Variants in AGK observed in about 807,000 individuals in gnomAD.
The protein encoded by AGK is acylglycerol kinase, mitochondrial.
AGK carries 52 observed loss-of-function variants against 66.4 expected under a neutral mutation model. The observed-to-expected ratio is 0.78, with a 90% CI of 0.63 to 0.99. The LOEUF is 0.99. Among genes scored for constraint, AGK ranks in the 50% least tolerant of loss-of-function variants. The pLI is 0.00. For synonymous variants in AGK, 182 were observed against 181.1 expected (o/e 1.00, Z -0.04); for missense variants, 451 against 506.6 (o/e 0.89, Z 1.05).
At chr7:141,585,031 G>T (rs1286529805) in intron 2 of AGK, among the ~76,000 whole-genome samples, 1 of 152,186 alleles carries the variant, frequency 6.6e-6, no homozygotes, top group African/African-American at 2.4e-5. Flanking sequence ...AACAAGAAGA[G>T]ATAACCTTGT....
chr7:141,562,166 T>C, intron 2 of AGK: 1 of 454,750 alleles, frequency 2.2e-6, no homozygotes, highest in Non-Finnish European at 4.4e-6. Context: ...AGTTGTCACA[T>C]GGATAGACTC....
intron 3 of AGK, among the ~76,000 whole-genome samples, chr7:141,595,566 A>G (rs1405667271): frequency 1.3e-5 from 2 of 152,230 alleles, no homozygotes; most frequent in Non-Finnish European, 2.9e-5. Context: ...AAGTTATTCA[A>G]TAAAAAATAT....
At chr7:141,637,092 T>G in intron 11 of AGK, 75 bp downstream of exon 11, 1 of 1,253,998 alleles carries the variant, frequency 8.0e-7, no homozygotes, top group Non-Finnish European at 1.1e-6. Context: ...TTTGGTATTT[T>G]TTTTTAATTC....
intron 2 of AGK, among the ~76,000 whole-genome samples, chr7:141,579,698 C>T (rs192667364): frequency 5.9e-4 from 89 of 151,984 alleles, no homozygotes; most frequent in Middle Eastern, 6.8e-3. Flanking sequence ...GGATAGATTT[C>T]CATGATGGAA....
intron 9 of AGK, among the ~76,000 whole-genome samples, chr7:141,627,594 T>C (rs576338473): frequency 9.2e-5 from 14 of 152,314 alleles, no homozygotes; most frequent in Admixed American, 5.2e-4. Flanking sequence ...GTCTGGACTC[T>C]TCACCATGAC....
intron 15 of AGK, 152 bp from the exon 16 acceptor site, chr7:141,652,635 C>T: frequency 2.8e-6 from 2 of 716,150 alleles, no homozygotes; most frequent in South Asian, 4.4e-5. Context: ...GTAGTAGGCA[C>T]TGAATTTTTT....
chr7:141,584,509 T>C (rs1795954027), intron 2 of AGK, among the ~76,000 whole-genome samples: 1 of 152,214 alleles, frequency 6.6e-6, no homozygotes, highest in Non-Finnish European at 1.5e-5. Context: ...AAAAGCAAGC[T>C]GTACCCCGAC....
intron 11 of AGK, among the ~76,000 whole-genome samples, chr7:141,640,697 G>A (rs550760025): frequency 2.0e-5 from 3 of 152,218 alleles, no homozygotes; most frequent in East Asian, 1.9e-4. Flanking sequence ...TCATTCATGC[G>A]GTCAGGATGT....
At chr7:141,624,864 A>G (rs1332507957) in intron 9 of AGK, among the ~76,000 whole-genome samples, 7 of 152,230 alleles carry the variant, frequency 4.6e-5, no homozygotes, top group African/African-American at 1.7e-4. Flanking sequence ...GCTATAGGTC[A>G]CATGCTATCG....
rs1210462825 is a variant in AGK at position 141,633,997 on chromosome 7, T to C, written c.668+17T>C. ...AGTTAGCAAGTAAAGGATTACTATA[T>C]TGATGTGTGATGTTTTTTAAAAAAA... On this transcript the variant is annotated intron_variant, in intron 10 of 15. Transcript: ENST00000649286. 1.3e-6 allele frequency: 2 copies of C among 1,599,158 alleles called. No individual in the cohort carries two copies. Among genetic ancestry groups the C allele is most frequent in the South Asian group, 1.1e-5 (1 of 90,738 alleles).
chr7:141,652,348 T>A lies in AGK; in HGVS notation c.1132-439T>A, dbSNP rs1021004549. 3.2e-5 allele frequency: 5 copies of A among 155,932 alleles called. No individual in the cohort carries two copies. The South Asian group carries it at 9.8e-4, about 31-fold the overall frequency. The allele number at this position is 155,932 out of a possible 1,614,324, so 9.7% of individuals were successfully genotyped here. ...ATCAAGCTAAACAAGTCTTAGAGAATAATGAAAATGATCCAGCAGATACAA... is the reference window on the plus strand; with the variant it reads ...ATCAAGCTAAACAAGTCTTAGAGAAAAATGAAAATGATCCAGCAGATACAA... On this transcript the variant is annotated intron_variant, in intron 15 of 15. Transcript: ENST00000649286.
At chr7:141,576,192 G>A (rs377682321) in intron 2 of AGK, among the ~76,000 whole-genome samples, 7 of 152,234 alleles carry the variant, frequency 4.6e-5, no homozygotes, top group African/African-American at 1.4e-4. Flanking sequence ...TGCCACCAAA[G>A]AAATAGCACT....
At chr7:141,650,672 A>T (rs1797533507) in intron 14 of AGK, 1 of 985,284 alleles carries the variant, frequency 1.0e-6, no homozygotes, top group Non-Finnish European at 1.2e-6. Context: ...GTGTCTGTAT[A>T]TGCGCTGGAA....
chr7:141,632,963 G>T (rs1228400502), intron 9 of AGK, among the ~76,000 whole-genome samples: 1 of 152,198 alleles, frequency 6.6e-6, no homozygotes, highest in Admixed American at 6.5e-5. Flanking sequence ...GGTGTTGGGG[G>T]AAGCACTCTT....
chr7:141,617,494 G>C (rs545215137), intron 8 of AGK, among the ~76,000 whole-genome samples: 1 of 152,280 alleles, frequency 6.6e-6, no homozygotes, highest in East Asian at 1.9e-4. Context: ...AGAAGCCTAA[G>C]GCTATTTAAA....
At chr7:141,637,176 A>T (rs1057323285) in intron 11 of AGK, among the ~76,000 whole-genome samples, 159 bp downstream of exon 11, 2 of 152,148 alleles carry the variant, frequency 1.3e-5, no homozygotes, top group African/African-American at 4.8e-5. Context: ...TATAGAACGC[A>T]TTCCTGTTTT....
chr7:141,621,124 C>A (rs960181623), intron 8 of AGK, among the ~76,000 whole-genome samples: 3 of 152,202 alleles, frequency 2.0e-5, no homozygotes, highest in Non-Finnish European at 2.9e-5. Flanking sequence ...TCACATGCTA[C>A]ATGGATGTCA....
At chr7:141,569,301 C>T (rs1170940389) in intron 2 of AGK, among the ~76,000 whole-genome samples, 6 of 152,016 alleles carry the variant, frequency 3.9e-5, no homozygotes, top group East Asian at 1.9e-4. Flanking sequence ...TTTGGGAGGC[C>T]GAGGCGGGCA....
At chr7:141,625,331 AT>A (rs1375837683) in intron 9 of AGK, among the ~76,000 whole-genome samples, 2 of 152,050 alleles carry the variant, frequency 1.3e-5, no homozygotes, top group Non-Finnish European at 2.9e-5. Flanking sequence ...TTGAAATGCT[AT>A]TTTTAGTTCC....
Sources: allele counts gnomAD v4.1 joint callset (sites outside exome capture counted in the v4.1 genomes callset), GRCh38; gene constraint gnomAD v4.1.1; transcripts MANE v1.5; gene names NCBI Gene and HGNC (gene_info 2026-07-23, HGNC 2026-07-21).